WWOX: variants seen among roughly 807,000 people sequenced by gnomAD.
WWOX encodes WW domain-containing oxidoreductase.
Under a neutral mutation model 46.2 loss-of-function variants are expected in WWOX, and 69 were observed. That is an observed-to-expected ratio of 1.49 (90% CI 1.23 to 1.82). The LOEUF is 1.82. WWOX is among the 40% of genes most tolerant of loss of function. WWOX has a pLI of 0.00. For synonymous variants in WWOX, 359 were observed against 202.6 expected (o/e 1.77, Z -6.56); for missense variants, 919 against 542.6 (o/e 1.69, Z -6.89).
chr16:78,536,131 T>C (rs1299467224), intron 8 of WWOX, among the ~76,000 whole-genome samples: 3 of 152,148 alleles, frequency 2.0e-5, no homozygotes, highest in African/African-American at 7.2e-5. Context: ...CCTCCTATTA[T>C]ATCCTTAGGT....
intron 8 of WWOX, among the ~76,000 whole-genome samples, chr16:78,632,824 C>G (rs2151662016): frequency 6.6e-6 from 1 of 152,178 alleles, no homozygotes; most frequent in East Asian, 2.0e-4. Flanking sequence ...TCCCACAGTG[C>G]TGGGGTTGCA....
chr16:79,045,408 G>T (rs1253284220), intron 8 of WWOX, among the ~76,000 whole-genome samples: 1 of 152,182 alleles, frequency 6.6e-6, no homozygotes, highest in Non-Finnish European at 1.5e-5. Context: ...ACTCCAGAGA[G>T]ATGTACATCA....
At chr16:79,179,722 G>T (rs1167937118) in intron 8 of WWOX, among the ~76,000 whole-genome samples, 1 of 152,200 alleles carries the variant, frequency 6.6e-6, no homozygotes, top group African/African-American at 2.4e-5. Context: ...GCCAGGCTCA[G>T]TGAATCCAGT....
chr16:79,069,611 A>G (rs1655484924), intron 8 of WWOX, among the ~76,000 whole-genome samples: 2 of 150,510 alleles, frequency 1.3e-5, no homozygotes. Flanking sequence ...GTATGCTGTT[A>G]TCAACCATTA....
At chr16:78,222,705 T>C (rs541048961) in intron 5 of WWOX, among the ~76,000 whole-genome samples, 3 of 152,328 alleles carry the variant, frequency 2.0e-5, no homozygotes, top group South Asian at 4.1e-4. Flanking sequence ...CAGCAGTTTA[T>C]ACCTTGGGAG....
chr16:78,674,679 G>T (rs557390093), intron 8 of WWOX, among the ~76,000 whole-genome samples: 1 of 152,068 alleles, frequency 6.6e-6, no homozygotes, highest in Non-Finnish European at 1.5e-5. Flanking sequence ...AACCTAACCT[G>T]TTTTAAAATA....
intron 5 of WWOX, among the ~76,000 whole-genome samples, chr16:78,180,671 T>C (rs560948674): frequency 1.3e-5 from 2 of 149,954 alleles, no homozygotes; most frequent in Admixed American, 1.3e-4. Flanking sequence ...CACCGGAGAG[T>C]TGTGGGTATA....
chr16:79,135,322 T>C (rs913309694), intron 8 of WWOX, among the ~76,000 whole-genome samples: 1 of 152,228 alleles, frequency 6.6e-6, no homozygotes, highest in Non-Finnish European at 1.5e-5. Context: ...TCTATACCTT[T>C]CCTTTTCCCA....
chr16:78,691,594 G>C (rs1026641432), intron 8 of WWOX, among the ~76,000 whole-genome samples: 1 of 152,134 alleles, frequency 6.6e-6, no homozygotes, highest in Non-Finnish European at 1.5e-5. Flanking sequence ...TGAAGTCCCA[G>C]CTAACTGGGA....
chr16:78,315,008 A>G (rs895506034), intron 5 of WWOX, among the ~76,000 whole-genome samples: 1 of 152,030 alleles, frequency 6.6e-6, no homozygotes, highest in Non-Finnish European at 1.5e-5. Flanking sequence ...ATGTCCTGAT[A>G]CTTCCTCAGC....
intron 8 of WWOX, among the ~76,000 whole-genome samples, chr16:78,767,367 T>C (rs1490989001): frequency 2.0e-5 from 3 of 152,062 alleles, no homozygotes; most frequent in Non-Finnish European, 4.4e-5. Context: ...ACTCCTGTGC[T>C]CCGGTCATCC....
chr16:79,045,611 A>C (rs977258705), intron 8 of WWOX, among the ~76,000 whole-genome samples: 9 of 152,038 alleles, frequency 5.9e-5, no homozygotes, highest in African/African-American at 2.2e-4. Flanking sequence ...TCAGCTATCA[A>C]TGAAAAGGAC....
intron 8 of WWOX, among the ~76,000 whole-genome samples, chr16:78,487,096 G>T (rs922634034): frequency 1.3e-5 from 2 of 152,140 alleles, no homozygotes; most frequent in African/African-American, 4.8e-5. Context: ...ACAGTATTTT[G>T]CCAGAAGCTA....
intron 8 of WWOX, among the ~76,000 whole-genome samples, chr16:78,469,645 G>C (rs1567591475): frequency 6.6e-6 from 1 of 152,196 alleles, no homozygotes. Flanking sequence ...ACATGTCTGA[G>C]TACCGCGCAG....
At position 78,464,972 on chromosome 16, in the gene WWOX, A is replaced by G. The variant is rs532368612; in HGVS notation, c.1056+32220A>G. 7.2e-5 allele frequency among the ~76,000 whole-genome samples: 11 copies of G among 152,368 alleles called. No homozygotes were observed. In the South Asian group the frequency reaches 2.3e-3, roughly 32 times the overall value. ...TGGGGAGGCCTCAAAATTATGGCAG[A>G]AGGCAAAGGAGGAGCAAAGGCACAT... On this transcript the variant is annotated intron_variant, in intron 8 of 8. Transcript: ENST00000566780.
At chr16:78,942,434 G>A (rs1409630689) in intron 8 of WWOX, among the ~76,000 whole-genome samples, 1 of 152,102 alleles carries the variant, frequency 6.6e-6, no homozygotes, top group Non-Finnish European at 1.5e-5. Flanking sequence ...AAAAATGTAT[G>A]ACAGCAGTTT....
chr16:78,376,784 C>G (rs939313636), intron 5 of WWOX, among the ~76,000 whole-genome samples: 1 of 152,158 alleles, frequency 6.6e-6, no homozygotes, highest in African/African-American at 2.4e-5. Context: ...GGTTGAGAAT[C>G]AGAGCAGACT....
Position 78,587,840 on chromosome 16 carries a change from C to T in WWOX, c.1056+155088C>T, listed in dbSNP as rs1396138139. 2.6e-5 allele frequency among the ~76,000 whole-genome samples: 4 copies of T among 152,154 alleles called. No homozygotes were observed. The East Asian group carries it at 7.7e-4, about 29-fold the overall frequency. On this transcript the variant is annotated intron_variant, in intron 8 of 8. Coordinates refer to ENST00000566780, the MANE Select transcript of WWOX (RefSeq NM_016373.4). ...ATTGTGCAAAATGTCCCAGTGAATG[C>T]CAATTCCTTGCTGTCAGGAAACATT... is the stretch of plus-strand genomic sequence containing the variant.
chr16:78,587,193 C>CTTTTTTTTTTTTT (rs528293412), intron 8 of WWOX, among the ~76,000 whole-genome samples: 14 of 112,886 alleles, frequency 1.2e-4, no homozygotes, highest in African/African-American at 4.1e-4. Flanking sequence ...GCCTGGCTAA[C>CTTTTTTTTTTTTT]TTTTTTTTTT....
Sources: gnomAD v4.1 joint callset for allele counts (sites outside exome capture counted in the v4.1 genomes callset) on GRCh38, gnomAD v4.1.1 for gene constraint, MANE v1.5 for transcripts, NCBI Gene and HGNC (gene_info 2026-07-23, HGNC 2026-07-21) for gene names.